Variants in RIIAD1 observed in about 807,000 individuals in gnomAD.
The protein encoded by RIIAD1 is regulatory subunit of type II PKA R-subunit domain containing 1, also known as RIIa domain-containing protein 1.
In RIIAD1, 15 loss-of-function variants were observed where a neutral mutation model predicts 13.3. The observed-to-expected ratio is 1.13, with a 90% CI of 0.76 to 1.74. The LOEUF (loss-of-function observed/expected upper bound fraction) is 1.74. Among genes scored for constraint, RIIAD1 ranks in the 40% most tolerant of loss-of-function variants. The probability of loss-of-function intolerance (pLI) is 0.00; values close to 1 mark genes in which losing one functional copy is unlikely to be tolerated. For missense variants in RIIAD1, 121 were observed against 112.2 expected (o/e 1.08, Z -0.35); for synonymous variants, 50 against 43.3 (o/e 1.16, Z -0.61).
At chr1:151,716,194 C>CCAGGGA in intron 4 of RIIAD1, 1 of 630,056 alleles carries the variant, frequency 1.6e-6, no homozygotes, top group Non-Finnish European at 2.7e-6. Flanking sequence ...CAAAGGAGGC[C>CCAGGGA]CAGGGAGTTG....
upstream of RIIAD1, among the ~76,000 whole-genome samples, chr1:151,718,397 G>A (rs1450691491): frequency 1.9e-4 from 29 of 152,242 alleles, no homozygotes; most frequent in Admixed American, 1.9e-3. Flanking sequence ...AGCCTGGGCA[G>A]TCTGGCTCCT....
At chr1:151,724,325 G>A (rs1489892508) in intron 2 of RIIAD1, among the ~76,000 whole-genome samples, 6 of 152,342 alleles carry the variant, frequency 3.9e-5, no homozygotes, top group Non-Finnish European at 5.9e-5. Context: ...GGAGCTTGCA[G>A]AGGGTTTAGT....
intron 4 of RIIAD1, chr1:151,715,973 C>A (rs1673448366): frequency 1.2e-6 from 2 of 1,614,054 alleles, no homozygotes; most frequent in African/African-American, 1.3e-5. Flanking sequence ...CCTCCAGATG[C>A]CTCGGGATCT....
At chr1:151,718,297 A>T (rs1009513015), upstream of RIIAD1, among the ~76,000 whole-genome samples, 1 of 150,900 alleles carries the variant, frequency 6.6e-6, no homozygotes, top group Non-Finnish European at 1.5e-5. Flanking sequence ...AGATTTTGTC[A>T]TCTCCAAATA....
chr1:151,714,439 T>A, exon 4 of RIIAD1: 1 of 708,528 alleles, frequency 1.4e-6, no homozygotes, highest in Non-Finnish European at 2.6e-6. Context: ...AATGCATGCA[T>A]CTACAGCAAG....
chr1:151,722,394 A>G (rs962092582), intron 2 of RIIAD1, among the ~76,000 whole-genome samples: 1 of 152,230 alleles, frequency 6.6e-6, no homozygotes, highest in African/African-American at 2.4e-5. Flanking sequence ...GCTTAACAAA[A>G]TCACTAGTTG....
intron 2 of RIIAD1, among the ~76,000 whole-genome samples, chr1:151,726,532 A>G (rs1388331334): frequency 6.6e-6 from 1 of 152,178 alleles, no homozygotes; most frequent in Non-Finnish European, 1.5e-5. Flanking sequence ...AGAACATATT[A>G]TAGAGGGCAC....
At chr1:151,713,242 C>T (rs1355565137) in intron 2 of RIIAD1, among the ~76,000 whole-genome samples, 1 of 152,174 alleles carries the variant, frequency 6.6e-6, no homozygotes, top group Non-Finnish European at 1.5e-5. Context: ...TCACCCCCAC[C>T]CTGGGCTGGA....
chr1:151,721,578 G>T lies in RIIAD1; in HGVS notation c.42G>T (p.Gly14=). Reference sequence around the variant, plus strand: ...GCTTGCTGCAGCGGCCCGACCCCGGGGCGCTTAGCGCAGCGCAGCTGGAGC... The same window carrying T: ...GCTTGCTGCAGCGGCCCGACCCCGGTGCGCTTAGCGCAGCGCAGCTGGAGC... The part of the protein sequence containing the change: ...LPGLLQRPDP[G]ALSAAQLEQL... Residue 14 remains glycine, a synonymous_variant, in exon 1 of 5, where the codon GGG becomes GGT. Coordinates refer to ENST00000479191, the MANE Select transcript of RIIAD1 (RefSeq NM_001144956.3). 7.6e-7 allele frequency: 1 copy of T among 1,320,978 alleles called. No individual in the cohort carries two copies. The highest frequency in any genetic ancestry group is 9.7e-7 in the Non-Finnish European group (1 of 1,032,548). The allele number at this position is 1,320,978 out of a possible 1,614,324, so 81.8% of individuals were successfully genotyped here.
intron 2 of RIIAD1, among the ~76,000 whole-genome samples, chr1:151,726,878 T>C (rs1673839648): frequency 6.6e-6 from 1 of 152,208 alleles, no homozygotes; most frequent in South Asian, 2.1e-4. Context: ...CCCCTTGAAT[T>C]CATGGTTAAG....
chr1:151,711,760 A>C (rs1673038704), intron 1 of RIIAD1: 1 of 152,318 alleles, frequency 6.6e-6, no homozygotes, highest in Non-Finnish European at 1.5e-5. Flanking sequence ...AAAGAAGCAG[A>C]ATCAGAACCA....
At chr1:151,723,531 C>A (rs1207741227) in intron 2 of RIIAD1, among the ~76,000 whole-genome samples, 1 of 151,168 alleles carries the variant, frequency 6.6e-6, no homozygotes, top group East Asian at 2.0e-4. Flanking sequence ...GAAACCCTGT[C>A]TCTACTAAAA....
At chr1:151,715,547 G>T in intron 4 of RIIAD1, 2 of 1,205,854 alleles carry the variant, frequency 1.7e-6, no homozygotes, top group Admixed American at 2.2e-5. Context: ...CCCCTACCCA[G>T]CTGCTTATCT....
At chr1:151,717,316 G>C (rs1169267958), upstream of RIIAD1, among the ~76,000 whole-genome samples, 1 of 152,158 alleles carries the variant, frequency 6.6e-6, no homozygotes, top group Non-Finnish European at 1.5e-5. Context: ...AATGCAGAGA[G>C]GAAAAATGGA....
chr1:151,723,537 TA>T (rs1233606252), intron 2 of RIIAD1, among the ~76,000 whole-genome samples: 1 of 149,174 alleles, frequency 6.7e-6, no homozygotes, highest in South Asian at 2.1e-4. Context: ...CTGTCTCTAC[TA>T]AAAATACAAA....
intron 4 of RIIAD1, chr1:151,715,849 G>A: frequency 6.3e-7 from 1 of 1,599,294 alleles, no homozygotes; most frequent in East Asian, 2.2e-5. Flanking sequence ...CCACCCCGAA[G>A]CCTCTTCAGC....
In RIIAD1 at chr1:151,728,826, A is replaced by T. The variant is rs1016422127; in HGVS notation, c.269A>T (p.Lys90Ile). The change falls in exon 4 of 5, where the codon AAA becomes ATA. Residue 90 changes from lysine to isoleucine, a missense_variant. By Grantham distance (102) the Lys-to-Ile change is moderately radical. Transcript: ENST00000479191. Reference sequence around the variant, plus strand: ...CACATGCAGCTAATTAAAGACAAGAAAGCGGCTTAATTAGCAAAATCATGA... The same window carrying T: ...CACATGCAGCTAATTAAAGACAAGATAGCGGCTTAATTAGCAAAATCATGA... Reference protein sequence around the residue: ...KIHMQLIKDKKAA With the variant: ...KIHMQLIKDKIAA The T allele has an allele frequency of 1.3e-6, 2 of 1,538,282 alleles. No homozygotes were observed. The highest frequency in any genetic ancestry group is 2.7e-5 in the African/African-American group (2 of 72,760).
At chr1:151,722,483 A>T (rs754163500) in intron 2 of RIIAD1, among the ~76,000 whole-genome samples, 1 of 152,204 alleles carries the variant, frequency 6.6e-6, no homozygotes, top group East Asian at 1.9e-4. Flanking sequence ...CAAGGGTTGG[A>T]AGCCACTCTT....
At chr1:151,725,795 T>C (rs1292048851) in intron 2 of RIIAD1, among the ~76,000 whole-genome samples, 1 of 152,232 alleles carries the variant, frequency 6.6e-6, no homozygotes, top group African/African-American at 2.4e-5. Context: ...TGTTATGCCA[T>C]GTTTTGTCTA....
Sources: gnomAD v4.1 joint callset for allele counts (sites outside exome capture counted in the v4.1 genomes callset) on GRCh38, gnomAD v4.1.1 for gene constraint, MANE v1.5 for transcripts, NCBI Gene and HGNC (gene_info 2026-07-23, HGNC 2026-07-21) for gene names.